Variants in DOK5 observed in about 807,000 individuals in gnomAD.
DOK5 encodes downstream of tyrosine kinase 5.
DOK5 carries 27 observed loss-of-function variants against 43.3 expected under a neutral mutation model. The ratio of observed to expected loss-of-function variants is 0.62; its 90% CI spans 0.46 to 0.86. DOK5 has a LOEUF of 0.86. Ranked by LOEUF, DOK5 falls within the 40% of genes least tolerant of loss-of-function variation. The pLI, the probability that DOK5 is intolerant of heterozygous loss-of-function variation, is 0.00. For missense variants in DOK5, 373 were observed against 392.9 expected (o/e 0.95, Z 0.43); for synonymous variants, 146 against 140.1 (o/e 1.04, Z -0.30).
chr20:54,510,512 A>G (rs1982978860), intron 1 of DOK5, among the ~76,000 whole-genome samples: 1 of 152,170 alleles, frequency 6.6e-6, no homozygotes, highest in Non-Finnish European at 1.5e-5. Flanking sequence ...ATACTCAGAA[A>G]ATTACTTTAC....
intron 1 of DOK5, among the ~76,000 whole-genome samples, chr20:54,480,977 T>TATCTGTC (rs1981661436): frequency 1.6e-5 from 1 of 63,180 alleles, no homozygotes; most frequent in Admixed American, 2.1e-4. Context: ...ATCATCTATC[T>TATCTGTC]ATCTATCATC....
Position 54,552,983 on chromosome 20 carries a change from T to C in DOK5, c.67-1950T>C, listed in dbSNP as rs150099312. On this transcript the variant is annotated intron_variant, in intron 1 of 7. Transcript: ENST00000262593. ...ATGTTTTGAAGGACCAAATATTTTA[T>C]GTAGACTTTGTTTTGTTTCTTCTTA... 1.1e-3 allele frequency among the ~76,000 whole-genome samples: 173 copies of C among 152,370 alleles called. 1 individual carries two copies. Among genetic ancestry groups the C allele is most frequent in the African/African-American group, 3.9e-3 (162 of 41,586 alleles).
chr20:54,597,841 C>G (rs920800549), intron 5 of DOK5, among the ~76,000 whole-genome samples: 1 of 152,242 alleles, frequency 6.6e-6, no homozygotes, highest in African/African-American at 2.4e-5. Flanking sequence ...GGAGAGAAAG[C>G]ATGCTTACAT....
intron 5 of DOK5, among the ~76,000 whole-genome samples, chr20:54,596,452 T>C (rs1039138344): frequency 2.0e-5 from 3 of 152,210 alleles, no homozygotes; most frequent in African/African-American, 7.2e-5. Context: ...GAACTAGAAC[T>C]GAGTGTTATT....
rs182693159 is a variant in DOK5, at chr20:54,613,368, A to G, written c.735+2845A>G. On this transcript the variant is annotated intron_variant, in intron 6 of 7. Transcript: ENST00000262593. ...TTTTAGAGAATTAGAACCTACTATA[A>G]GAAACTATAAGAAATCATTATATTT... is the stretch of plus-strand genomic sequence containing the variant. Among the ~76,000 whole-genome samples, 16 of 152,296 alleles carry G rather than the reference A, an allele frequency of 1.1e-4. No individual in the cohort carries two copies. The East Asian group carries it at 3.1e-3, about 29-fold the overall frequency.
chr20:54,490,690 A>G lies in DOK5; in HGVS notation c.66+14678A>G, dbSNP rs892345462. Among the ~76,000 whole-genome samples the G allele has an allele frequency of 4.6e-5, 7 of 152,252 alleles. No homozygotes were observed. In the South Asian group the frequency reaches 1.5e-3, roughly 32 times the overall value. Reference sequence around the variant, plus strand: ...AACCTCCGCCTCCCGTGTTCAAGCAATTCTCCTGCCTCAGCCTCCCGAGTA... The same window carrying G: ...AACCTCCGCCTCCCGTGTTCAAGCAGTTCTCCTGCCTCAGCCTCCCGAGTA... On this transcript the variant is annotated intron_variant, in intron 1 of 7. Coordinates refer to ENST00000262593, the MANE Select transcript of DOK5 (RefSeq NM_018431.5).
chr20:54,552,584 C>G (rs6091917), intron 1 of DOK5, among the ~76,000 whole-genome samples: 3,080 of 152,018 alleles, frequency 0.02, 103 homozygotes, highest in African/African-American at 0.07. Flanking sequence ...CTTTATATAG[C>G]TACTAATGTT....
intron 1 of DOK5, among the ~76,000 whole-genome samples, chr20:54,532,160 A>C (rs532041420): frequency 6.6e-6 from 1 of 152,246 alleles, no homozygotes; most frequent in Non-Finnish European, 1.5e-5. Context: ...CCTTGTTCTA[A>C]GGTGATTTAA....
chr20:54,577,289 AAGTGAATAGGCTTCTTTCTTG>A (rs1317783576), intron 2 of DOK5, among the ~76,000 whole-genome samples: 21 of 152,248 alleles, frequency 1.4e-4, no homozygotes, highest in African/African-American at 5.1e-4. Context: ...TGTTTGATTA[AAGTGAATAGGCTTCTTTCTTG>A]AGAAGTAGAT....
At chr20:54,552,161 A>G (rs777411854) in intron 1 of DOK5, among the ~76,000 whole-genome samples, 1 of 152,190 alleles carries the variant, frequency 6.6e-6, no homozygotes, top group Non-Finnish European at 1.5e-5. Flanking sequence ...CAAAACAAAA[A>G]CTAACAAACA....
At chr20:54,576,032 C>T (rs184154268) in intron 2 of DOK5, among the ~76,000 whole-genome samples, 87 of 151,596 alleles carry the variant, frequency 5.7e-4, no homozygotes, top group Admixed American at 3.5e-3. Flanking sequence ...CCTGGAGAAA[C>T]GATCAGAGGC....
chr20:54,503,179 T>A (rs1401921834), intron 1 of DOK5, among the ~76,000 whole-genome samples: 17 of 152,222 alleles, frequency 1.1e-4, no homozygotes, highest in Admixed American at 1.1e-3. Context: ...AATTAATATA[T>A]ACCTCTGAAA....
intron 1 of DOK5, among the ~76,000 whole-genome samples, chr20:54,545,499 A>T (rs1984309877): frequency 6.6e-6 from 1 of 152,214 alleles, no homozygotes; most frequent in South Asian, 2.1e-4. Context: ...GGAGTCATTT[A>T]GCCTGAACAC....
chr20:54,553,247 G>A (rs1277910031), intron 1 of DOK5, among the ~76,000 whole-genome samples: 3 of 152,152 alleles, frequency 2.0e-5, no homozygotes, highest in Non-Finnish European at 4.4e-5. Flanking sequence ...CCAGGCTGGA[G>A]TGCAGTGGCG....
intron 2 of DOK5, among the ~76,000 whole-genome samples, chr20:54,564,953 G>T (rs2146740560): frequency 6.6e-6 from 1 of 152,228 alleles, no homozygotes; most frequent in East Asian, 1.9e-4. Context: ...CCCTTCATTT[G>T]TCCTGTCTCA....
chr20:54,617,056 C>G (rs954078574), intron 6 of DOK5, among the ~76,000 whole-genome samples: 1 of 152,102 alleles, frequency 6.6e-6, no homozygotes, highest in African/African-American at 2.4e-5. Flanking sequence ...TCCCAAAGTG[C>G]TGGGATTACA....
chr20:54,503,627 C>G (rs1431139854), intron 1 of DOK5, among the ~76,000 whole-genome samples: 1 of 151,958 alleles, frequency 6.6e-6, no homozygotes, highest in Non-Finnish European at 1.5e-5. Context: ...GTGCCATTAA[C>G]AAAAAGCCAA....
At chr20:54,534,579 T>G (rs919587910) in intron 1 of DOK5, among the ~76,000 whole-genome samples, 3 of 152,226 alleles carry the variant, frequency 2.0e-5, no homozygotes, top group South Asian at 2.1e-4. Context: ...AAACTGGACA[T>G]TAACAGGTCT....
intron 1 of DOK5, among the ~76,000 whole-genome samples, chr20:54,519,128 T>A (rs1983303077): frequency 6.6e-6 from 1 of 152,218 alleles, no homozygotes; most frequent in South Asian, 2.1e-4. Flanking sequence ...AGTTGAGGCT[T>A]GTGGAGTTGC....
Sources: gnomAD v4.1 joint callset for allele counts (sites outside exome capture counted in the v4.1 genomes callset) on GRCh38, gnomAD v4.1.1 for gene constraint, MANE v1.5 for transcripts, NCBI Gene and HGNC (gene_info 2026-07-23, HGNC 2026-07-21) for gene names.